EXT2: variants seen among roughly 807,000 people sequenced by gnomAD.
EXT2 encodes exostosin glycosyltransferase 2.
A neutral mutation model predicts 81.6 loss-of-function variants in EXT2; 53 were observed. That is an observed-to-expected ratio of 0.65 (90% confidence interval 0.52 to 0.82). The LOEUF (loss-of-function observed/expected upper bound fraction) is 0.82, where lower values mean the gene tolerates loss of function less well. Ranked by LOEUF, EXT2 falls within the 40% of genes least tolerant of loss-of-function variation. The pLI is 0.00. For synonymous variants in EXT2, 320 were observed against 340.0 expected (o/e 0.94, Z 0.65); for missense variants, 774 against 910.2 (o/e 0.85, Z 1.93).
intron 10 of EXT2, among the ~76,000 whole-genome samples, chr11:44,229,742 T>C: frequency 6.6e-6 from 1 of 152,236 alleles, no homozygotes; most frequent in East Asian, 1.9e-4. Flanking sequence ...TGCTGCAGGC[T>C]TCCTTCCTGA....
At chr11:44,104,902 A>G (rs1954033629) in intron 1 of EXT2, 1 of 152,260 alleles carries the variant, frequency 6.6e-6, no homozygotes, top group Non-Finnish European at 1.5e-5. Flanking sequence ...ATTAGAATAT[A>G]TTGAGTGACT....
At chr11:44,157,933 C>G (rs1245746463) in intron 7 of EXT2, among the ~76,000 whole-genome samples, 2 of 152,194 alleles carry the variant, frequency 1.3e-5, no homozygotes, top group Non-Finnish European at 2.9e-5. Flanking sequence ...CTTAAGGCAG[C>G]AGACTGAATC....
intron 7 of EXT2, among the ~76,000 whole-genome samples, chr11:44,154,178 G>A (rs1036586646): frequency 2.0e-5 from 3 of 151,886 alleles, no homozygotes; most frequent in Non-Finnish European, 2.9e-5. Context: ...ATTTTGAGAT[G>A]TACAATAAAT....
chr11:44,176,551 G>A lies in EXT2; in HGVS notation c.1305+4809G>A, dbSNP rs146922326. On this transcript the variant is annotated intron_variant, in intron 8 of 13. Coordinates refer to ENST00000533608, the MANE Select transcript of EXT2 (RefSeq NM_207122.2). ...TTCTAGCTCAGGTGACAAGAGCCCT[G>A]ATTTAAAGCAGTGGGTTATACATTT... Among the ~76,000 whole-genome samples the A allele has an allele frequency of 4.9e-3, 753 of 152,246 alleles. 1 individual carries two copies. The highest frequency in any genetic ancestry group is 0.017 in the Middle Eastern group (5 of 294).
At chr11:44,240,840 C>T (rs1452097494) in intron 13 of EXT2, among the ~76,000 whole-genome samples, 1 of 152,160 alleles carries the variant, frequency 6.6e-6, no homozygotes, top group East Asian at 1.9e-4. Flanking sequence ...GATGATGTTA[C>T]AACTGTAGAA....
At chr11:44,208,037 A>G (rs1269105375) in intron 10 of EXT2, among the ~76,000 whole-genome samples, 1 of 152,198 alleles carries the variant, frequency 6.6e-6, no homozygotes, top group African/African-American at 2.4e-5. Flanking sequence ...AGAGTAGCTA[A>G]TAAAACATAC....
chr11:44,162,927 CAAAAT>C (rs1016117609), intron 7 of EXT2, among the ~76,000 whole-genome samples: 18 of 152,246 alleles, frequency 1.2e-4, no homozygotes, highest in African/African-American at 4.1e-4. Flanking sequence ...ACTAAATTAA[CAAAAT>C]AAATATTTTA....
chr11:44,111,455 A>G (rs544692709), intron 3 of EXT2, among the ~76,000 whole-genome samples: 2 of 152,148 alleles, frequency 1.3e-5, no homozygotes, highest in African/African-American at 4.8e-5. Context: ...CATACAAACC[A>G]ATTTTATTTT....
chr11:44,237,097 G>A (rs1393942472), intron 13 of EXT2, among the ~76,000 whole-genome samples: 1 of 152,132 alleles, frequency 6.6e-6, no homozygotes, highest in African/African-American at 2.4e-5. Flanking sequence ...ATACAAGACA[G>A]CAAACTCTGA....
intron 10 of EXT2, among the ~76,000 whole-genome samples, chr11:44,230,824 G>A (rs1255753703): frequency 6.6e-6 from 1 of 152,140 alleles, no homozygotes; most frequent in Non-Finnish European, 1.5e-5. Context: ...TTTGTTAACA[G>A]CAACCCTAGG....
intron 10 of EXT2, among the ~76,000 whole-genome samples, chr11:44,226,729 G>T (rs2135247911): frequency 6.6e-6 from 1 of 152,362 alleles, no homozygotes; most frequent in Admixed American, 6.5e-5. Context: ...AGCCTGAAGG[G>T]AAGAAGGGCC....
intron 7 of EXT2, among the ~76,000 whole-genome samples, chr11:44,161,893 T>C (rs1042593079): frequency 1.3e-5 from 2 of 152,140 alleles, no homozygotes; most frequent in African/African-American, 2.4e-5. Flanking sequence ...TAAACCCAAA[T>C]TGAGGGACAT....
At chr11:44,157,806 C>T (rs928765160) in intron 7 of EXT2, among the ~76,000 whole-genome samples, 3 of 152,212 alleles carry the variant, frequency 2.0e-5, no homozygotes, top group African/African-American at 7.2e-5. Context: ...TCCCAGTGGC[C>T]ACCACAGCTG....
At chr11:44,164,910 G>A (rs1268097359) in intron 7 of EXT2, among the ~76,000 whole-genome samples, 5 of 137,200 alleles carry the variant, frequency 3.6e-5, no homozygotes, top group Admixed American at 8.0e-5. Flanking sequence ...ACGGAGTCTC[G>A]CTCTGTCGCC....
intron 10 of EXT2, among the ~76,000 whole-genome samples, chr11:44,216,638 C>T (rs1252277159): frequency 1.3e-5 from 2 of 151,928 alleles, no homozygotes; most frequent in African/African-American, 2.4e-5. Flanking sequence ...CAAAGGCATC[C>T]GAAGGCAGTG....
At chr11:44,193,225 A>T (rs184453453) in intron 8 of EXT2, among the ~76,000 whole-genome samples, 12 of 152,326 alleles carry the variant, frequency 7.9e-5, no homozygotes, top group African/African-American at 2.9e-4. Context: ...TAAGGACTTC[A>T]TTTGGGATTC....
intron 7 of EXT2, among the ~76,000 whole-genome samples, chr11:44,166,020 G>A (rs1262478140): frequency 6.6e-6 from 1 of 152,192 alleles, no homozygotes; most frequent in East Asian, 1.9e-4. Flanking sequence ...GTGAAGAGCA[G>A]ATGAAATAAT....
chr11:44,101,501 G>A (rs1000762173), intron 1 of EXT2, among the ~76,000 whole-genome samples: 1 of 152,202 alleles, frequency 6.6e-6, no homozygotes, highest in Non-Finnish European at 1.5e-5. Flanking sequence ...ATAGTGCTAA[G>A]GTTAAGTCAC....
intron 2 of EXT2, 59 bp downstream of exon 2, chr11:44,108,307 T>A: frequency 1.3e-6 from 2 of 1,558,602 alleles, no homozygotes; most frequent in Non-Finnish European, 1.8e-6. Context: ...CTCAGGGAAC[T>A]AAAGGGAAGG....
Sources: gnomAD v4.1 joint callset for allele counts (sites outside exome capture counted in the v4.1 genomes callset) on GRCh38, gnomAD v4.1.1 for gene constraint, MANE v1.5 for transcripts, NCBI Gene and HGNC (gene_info 2026-07-23, HGNC 2026-07-21) for gene names.